The following FBXW11 variants were observed in gnomAD, a reference collection of about 807,000 sequenced individuals.
FBXW11 encodes the protein F-box and WD repeat domain containing 11.
Under a neutral mutation model 77.6 loss-of-function variants are expected in FBXW11, and 19 were observed. That is an observed-to-expected ratio of 0.24 (90% CI 0.17 to 0.36). The LOEUF is 0.36. Among genes scored for constraint, FBXW11 ranks in the 10% least tolerant of loss-of-function variants. The probability of loss-of-function intolerance (pLI) is 1.00; values close to 1 mark genes in which losing one functional copy is unlikely to be tolerated. For synonymous variants in FBXW11, 235 were observed against 249.4 expected (o/e 0.94, Z 0.54); for missense variants, 334 against 704.2 (o/e 0.47, Z 5.95).
chr5:172,005,709 C>T (rs1189622055), intron 1 of FBXW11, among the ~76,000 whole-genome samples: 2 of 152,020 alleles, frequency 1.3e-5, no homozygotes, highest in African/African-American at 4.8e-5. Context: ...TGGCTCCCTC[C>T]CCAGTCATCT....
intron 1 of FBXW11, among the ~76,000 whole-genome samples, chr5:171,983,562 T>C (rs1765270334): frequency 6.6e-6 from 1 of 152,008 alleles, no homozygotes; most frequent in Admixed American, 6.6e-5. Flanking sequence ...AGGTAGATTG[T>C]GTCGGAATTG....
At chr5:171,878,553 A>AGAGTGT (rs879378029) in intron 7 of FBXW11, among the ~76,000 whole-genome samples, 5 of 105,394 alleles carry the variant, frequency 4.7e-5, no homozygotes, top group African/African-American at 1.1e-4. Context: ...TCTCCATAAG[A>AGAGTGT]GTGTGTGAGT....
At chr5:171,940,335 G>A (rs1319334331) in intron 2 of FBXW11, among the ~76,000 whole-genome samples, 1 of 152,184 alleles carries the variant, frequency 6.6e-6, no homozygotes, top group East Asian at 1.9e-4. Flanking sequence ...AGAACAAGGA[G>A]GGAAGTATTT....
At chr5:171,929,709 G>A (rs1004381387) in intron 2 of FBXW11, among the ~76,000 whole-genome samples, 6 of 151,920 alleles carry the variant, frequency 3.9e-5, no homozygotes, top group Non-Finnish European at 8.8e-5. Context: ...AAAATTAGCC[G>A]GGCATGGTGG....
At chr5:171,931,684 A>G (rs1291035880) in intron 2 of FBXW11, among the ~76,000 whole-genome samples, 4 of 152,230 alleles carry the variant, frequency 2.6e-5, no homozygotes, top group African/African-American at 9.6e-5. Flanking sequence ...ATTAAAAATA[A>G]AAATCTCTGA....
At chr5:171,957,848 A>T in intron 1 of FBXW11, 150 bp from the exon 2 acceptor site, 1 of 636,630 alleles carries the variant, frequency 1.6e-6, no homozygotes, top group South Asian at 2.0e-5. Context: ...AGCTCACTGA[A>T]ACCTTGGGGG....
chr5:171,873,205 G>A (rs569464227), intron 9 of FBXW11, among the ~76,000 whole-genome samples: 1 of 152,132 alleles, frequency 6.6e-6, no homozygotes, highest in East Asian at 1.9e-4. Context: ...AAACACGGAG[G>A]GAAGTGAAGT....
chr5:171,879,797 G>T (rs1758381877), intron 7 of FBXW11, among the ~76,000 whole-genome samples: 1 of 152,104 alleles, frequency 6.6e-6, no homozygotes, highest in South Asian at 2.1e-4. Flanking sequence ...TAAAAATCAG[G>T]TTAAGCTAAT....
intron 6 of FBXW11, among the ~76,000 whole-genome samples, chr5:171,895,726 G>GT (rs1759698302): frequency 6.6e-6 from 1 of 152,232 alleles, no homozygotes; most frequent in Non-Finnish European, 1.5e-5. Context: ...GGGCTTTGAA[G>GT]TAAGAATCTC....
At chr5:171,915,208 A>G (rs963013981) in intron 2 of FBXW11, among the ~76,000 whole-genome samples, 19 of 152,234 alleles carry the variant, frequency 1.2e-4, no homozygotes, top group Non-Finnish European at 2.9e-5. Flanking sequence ...TATGGATAGC[A>G]GTCTCTCTAA....
chr5:171,961,700 G>A (rs142427984), intron 1 of FBXW11, among the ~76,000 whole-genome samples: 2,694 of 152,050 alleles, frequency 0.018, 76 homozygotes, highest in African/African-American at 0.063. Context: ...AGGCTGGAGT[G>A]CGGTGGCATG....
chr5:171,870,967 G>T, intron 10 of FBXW11, 109 bp from the exon 11 acceptor site: 1 of 693,174 alleles, frequency 1.4e-6, no homozygotes, highest in Non-Finnish European at 2.6e-6. Flanking sequence ...CTATCTTGGA[G>T]CTCTTTATTT....
intron 4 of FBXW11, among the ~76,000 whole-genome samples, chr5:171,909,445 C>T (rs1314227975): frequency 6.6e-6 from 1 of 152,132 alleles, no homozygotes; most frequent in Non-Finnish European, 1.5e-5. Context: ...AAATGAATAA[C>T]AGCAAGAGTA....
intron 1 of FBXW11, among the ~76,000 whole-genome samples, chr5:172,003,824 G>A (rs983766154): frequency 4.6e-5 from 7 of 152,180 alleles, no homozygotes; most frequent in Admixed American, 6.5e-5. Context: ...AAAGTACAGG[G>A]ATGAAGATTA....
intron 2 of FBXW11, among the ~76,000 whole-genome samples, chr5:171,927,681 G>T (rs1581213369): frequency 6.6e-6 from 1 of 152,116 alleles, no homozygotes; most frequent in East Asian, 1.9e-4. Flanking sequence ...CATCATTGTA[G>T]TTCTACGTTT....
At chr5:171,910,391 T>C (rs1046518151) in intron 4 of FBXW11, among the ~76,000 whole-genome samples, 181 bp downstream of exon 4, 1 of 152,198 alleles carries the variant, frequency 6.6e-6, no homozygotes. Context: ...TTAAAGATAC[T>C]GCCTATATTT....
At chr5:171,958,085 GTTGT>G (rs1254146776) in intron 1 of FBXW11, among the ~76,000 whole-genome samples, 6 of 152,146 alleles carry the variant, frequency 3.9e-5, no homozygotes, top group African/African-American at 9.7e-5. Flanking sequence ...AATTGTCATC[GTTGT>G]TTAAGAACCT....
At chr5:171,934,852 A>T (rs1420079306) in intron 2 of FBXW11, among the ~76,000 whole-genome samples, 2 of 152,304 alleles carry the variant, frequency 1.3e-5, no homozygotes, top group East Asian at 1.9e-4. Context: ...AAAGAAAAAA[A>T]TAAAATAAAA....
At chr5:171,879,910 TCA>T (rs1340327879) in intron 7 of FBXW11, among the ~76,000 whole-genome samples, 1 of 152,214 alleles carries the variant, frequency 6.6e-6, no homozygotes, top group Non-Finnish European at 1.5e-5. Context: ...ACAATGTCTC[TCA>T]CAGAGCAGAA....
Sources: allele counts gnomAD v4.1 joint callset (sites outside exome capture counted in the v4.1 genomes callset), GRCh38; gene constraint gnomAD v4.1.1; transcripts MANE v1.5; gene names NCBI Gene and HGNC (gene_info 2026-07-23, HGNC 2026-07-21).